Variants in PPP3CC observed in about 807,000 individuals in gnomAD.
The protein encoded by PPP3CC is protein phosphatase 3 catalytic subunit gamma, also known as serine/threonine-protein phosphatase 2B catalytic subunit gamma isoform.
Under a neutral mutation model 60.3 loss-of-function variants are expected in PPP3CC, and 35 were observed. The observed-to-expected ratio is 0.58, with a 90% CI of 0.44 to 0.77. PPP3CC has a LOEUF of 0.77. PPP3CC is among the 30% of genes least tolerant of loss of function. PPP3CC has a pLI of 0.00. For synonymous variants in PPP3CC, 206 were observed against 224.3 expected (o/e 0.92, Z 0.73); for missense variants, 570 against 628.9 (o/e 0.91, Z 1.00).
intron 1 of PPP3CC, among the ~76,000 whole-genome samples, chr8:22,443,445 C>T (rs903553287): frequency 4.7e-5 from 7 of 150,366 alleles, no homozygotes; most frequent in Admixed American, 2.0e-4. Flanking sequence ...TGCTTGAACC[C>T]GGGAGGCGGA....
chr8:22,466,144 A>G (rs956237492), intron 1 of PPP3CC, among the ~76,000 whole-genome samples: 2 of 147,506 alleles, frequency 1.4e-5, no homozygotes, highest in Non-Finnish European at 3.0e-5. Context: ...AGCTTCATCC[A>G]TGTCCCTGCA....
Position 22,500,151 on chromosome 8 carries a change from C to T in PPP3CC, c.484+2039C>T, listed in dbSNP as rs1166091576. On this transcript the variant is annotated intron_variant, in intron 4 of 13. Transcript: ENST00000240139. ...GACTTTTGGCATACTCTAAAGTAGT[C>T]TTCCAGAAAATATGTATATTGGGTT... Among the ~76,000 whole-genome samples the T allele has an allele frequency of 2.0e-5, 3 of 152,126 alleles. No homozygotes were observed. In the South Asian group the frequency reaches 6.2e-4, roughly 32 times the overall value.
chr8:22,534,512 G>T (rs1176831202), intron 12 of PPP3CC, among the ~76,000 whole-genome samples: 1 of 152,188 alleles, frequency 6.6e-6, no homozygotes, highest in Non-Finnish European at 1.5e-5. Context: ...CTTGTAAATT[G>T]ATTCAAGCGC....
chr8:22,536,474 A>T (rs1398783852), intron 12 of PPP3CC, among the ~76,000 whole-genome samples: 1 of 152,272 alleles, frequency 6.6e-6, no homozygotes, highest in Non-Finnish European at 1.5e-5. Context: ...AGGGCTGAGC[A>T]ACAGAATTAT....
chr8:22,467,935 A>C (rs538210520), intron 1 of PPP3CC, among the ~76,000 whole-genome samples: 1 of 152,278 alleles, frequency 6.6e-6, no homozygotes, highest in South Asian at 2.1e-4. Context: ...CCTCTTTTGT[A>C]ATGGCACAAA....
chr8:22,538,100 G>A lies in PPP3CC; in HGVS notation c.1322-1369G>A, dbSNP rs150462399. ...ATGTTAAAAAGGAAAACAAAAGTTC[G>A]GGTCATTTGATATGACTGTTTCTTA... On this transcript the variant is annotated intron_variant, in intron 12 of 13. Transcript: ENST00000240139. 1.0e-3 allele frequency among the ~76,000 whole-genome samples: 159 copies of A among 152,234 alleles called. 4 individuals are homozygous for A. In the East Asian group the frequency reaches 0.023, roughly 22 times the overall value.
intron 3 of PPP3CC, among the ~76,000 whole-genome samples, chr8:22,477,274 C>T (rs978124971): frequency 1.3e-5 from 2 of 151,972 alleles, no homozygotes; most frequent in African/African-American, 4.8e-5. Flanking sequence ...GTCAGGAGTT[C>T]GAGACCAGCC....
intron 6 of PPP3CC, 97 bp downstream of exon 6, chr8:22,513,529 T>G: frequency 1.5e-6 from 2 of 1,310,404 alleles, no homozygotes; most frequent in Non-Finnish European, 2.0e-6. Context: ...CTATGTAGTA[T>G]AAGCACTCCT....
chr8:22,496,695 C>T (rs1276288972), intron 3 of PPP3CC, among the ~76,000 whole-genome samples: 2 of 151,314 alleles, frequency 1.3e-5, no homozygotes, highest in Admixed American at 1.3e-4. Flanking sequence ...CGGGGTTTCA[C>T]CATATTGGCC....
intron 1 of PPP3CC, among the ~76,000 whole-genome samples, chr8:22,443,613 TTTG>T (rs1414384846): frequency 1.3e-5 from 2 of 151,944 alleles, no homozygotes; most frequent in Non-Finnish European, 2.9e-5. Context: ...AGGATGCAAA[TTTG>T]TTCTTTACCA....
intron 1 of PPP3CC, among the ~76,000 whole-genome samples, chr8:22,463,954 T>C (rs1174196129): frequency 6.6e-6 from 1 of 151,996 alleles, no homozygotes; most frequent in Non-Finnish European, 1.5e-5. Flanking sequence ...ACCCCGCTAA[T>C]TTTTTGTATT....
Position 22,540,869 on chromosome 8 carries a change from GAAAAT to G in PPP3CC, c.*68_*72del. ...AACAAATTCTATTTATTTATTATTG[GAAAAT>G]GAAAAGCAACTCAAAACAACTTCAA... On this transcript the variant is annotated 3_prime_UTR_variant, in exon 14 of 14. Transcript: ENST00000240139. The G allele has an allele frequency of 7.3e-7, 1 of 1,362,440 alleles. No individual in the cohort carries two copies. Among genetic ancestry groups the G allele is most frequent in the South Asian group, 1.7e-5 (1 of 58,514 alleles). The allele number at this position is 1,362,440 out of a possible 1,614,324, so 84.4% of individuals were successfully genotyped here.
At chr8:22,445,691 G>A (rs1257630553) in intron 1 of PPP3CC, among the ~76,000 whole-genome samples, 3 of 152,080 alleles carry the variant, frequency 2.0e-5, no homozygotes. Context: ...TATTTTCAGT[G>A]GGGACACATT....
chr8:22,497,998 T>G lies in PPP3CC; in HGVS notation c.373-3T>G. ...AAATTTTATGCTTGAATTTGTCTTG[T>G]AGTGTGTGCTGTATTTATGGAGTTT... On this transcript the variant is annotated splice_region_variant and splice_polypyrimidine_tract_variant and intron_variant, in intron 3 of 13. Transcript: ENST00000240139. 1 of 1,594,376 alleles carries G rather than the reference T, an allele frequency of 6.3e-7. No homozygotes were observed. The highest frequency in any genetic ancestry group is 1.1e-5 in the South Asian group (1 of 88,718).
At chr8:22,534,598 C>A (rs1030034389) in intron 12 of PPP3CC, among the ~76,000 whole-genome samples, 2 of 152,172 alleles carry the variant, frequency 1.3e-5, no homozygotes, top group Non-Finnish European at 2.9e-5. Context: ...TGGTGTATAT[C>A]CAAGAGAAAC....
chr8:22,533,138 CGG>C (rs1486565228), intron 12 of PPP3CC, 120 bp downstream of exon 12: 13 of 643,168 alleles, frequency 2.0e-5, no homozygotes, highest in Non-Finnish European at 3.1e-5. Flanking sequence ...ATACCATAAG[CGG>C]GGAAATGAAT....
chr8:22,481,899 G>A (rs1049935727), intron 3 of PPP3CC, among the ~76,000 whole-genome samples: 17 of 152,106 alleles, frequency 1.1e-4, no homozygotes, highest in African/African-American at 4.1e-4. Context: ...ATTCCATGGT[G>A]TATATGTGCC....
At chr8:22,450,464 T>C (rs1024625050) in intron 1 of PPP3CC, among the ~76,000 whole-genome samples, 1 of 152,218 alleles carries the variant, frequency 6.6e-6, no homozygotes, top group Non-Finnish European at 1.5e-5. Flanking sequence ...CAGGCCAGAC[T>C]CTTTCTTCTC....
intron 10 of PPP3CC, among the ~76,000 whole-genome samples, chr8:22,530,829 C>CAAACAAAAAAAAAAA (rs1839691242): frequency 5.2e-5 from 3 of 58,036 alleles, no homozygotes; most frequent in African/African-American, 1.6e-4. Context: ...AGACTCATCT[C>CAAACAAAAAAAAAAA]AAAAAAAAAA....
Sources: gnomAD v4.1 joint callset for allele counts (sites outside exome capture counted in the v4.1 genomes callset) on GRCh38, gnomAD v4.1.1 for gene constraint, MANE v1.5 for transcripts, NCBI Gene and HGNC (gene_info 2026-07-23, HGNC 2026-07-21) for gene names.